DPH5: variants seen among roughly 807,000 people sequenced by gnomAD.
DPH5 encodes the protein diphthamide biosynthesis 5.
Under a neutral mutation model 31.6 loss-of-function variants are expected in DPH5, and 31 were observed. The ratio of observed to expected loss-of-function variants is 0.98; its 90% CI spans 0.74 to 1.32. The LOEUF (loss-of-function observed/expected upper bound fraction) is 1.32. Ranked by LOEUF, DPH5 falls within the 40% of genes most tolerant of loss-of-function variation. The probability of loss-of-function intolerance (pLI) is 0.00; values close to 1 mark genes in which losing one functional copy is unlikely to be tolerated. For synonymous variants in DPH5, 120 were observed against 115.0 expected, an observed-to-expected ratio of 1.04 and a Z score of -0.28; for missense variants, 309 against 335.7, an observed-to-expected ratio of 0.92 and a Z score of 0.62.
intron 3 of DPH5, among the ~76,000 whole-genome samples, chr1:101,020,583 A>G (rs1160652089): frequency 2.0e-5 from 3 of 151,598 alleles, no homozygotes; most frequent in Non-Finnish European, 4.4e-5. Context: ...CCATTTATCT[A>G]GGATGACCTC....
At chr1:100,994,850 C>T (rs552780797) in intron 6 of DPH5, among the ~76,000 whole-genome samples, 1 of 152,242 alleles carries the variant, frequency 6.6e-6, no homozygotes, top group South Asian at 2.1e-4. Flanking sequence ...TTCAGAATCC[C>T]AACGCATTAA....
chr1:100,996,769 T>A (rs928466330), intron 5 of DPH5, among the ~76,000 whole-genome samples: 2 of 152,246 alleles, frequency 1.3e-5, no homozygotes, highest in African/African-American at 4.8e-5. Flanking sequence ...TATCTTTTAT[T>A]AACCTCTAAT....
intron 4 of DPH5, among the ~76,000 whole-genome samples, chr1:101,009,400 C>T (rs530710425): frequency 2.6e-5 from 4 of 152,184 alleles, no homozygotes; most frequent in African/African-American, 4.8e-5. Context: ...ACCATAATAA[C>T]TGTGGTAGTG....
At chr1:101,020,239 C>T (rs1253247747) in intron 3 of DPH5, among the ~76,000 whole-genome samples, 1 of 152,164 alleles carries the variant, frequency 6.6e-6, no homozygotes, top group South Asian at 2.1e-4. Context: ...AGACCCAGCG[C>T]AAGTTCCAGC....
At position 100,990,323 on chromosome 1, in the gene DPH5, G is replaced by C. The variant is rs1391413580; in HGVS notation, c.*85C>G. The C allele has an allele frequency of 5.6e-6, 7 of 1,259,616 alleles. No homozygotes were observed. The highest frequency in any genetic ancestry group is 6.8e-6 in the Non-Finnish European group (6 of 879,684). 78.0% of individuals were successfully genotyped at this position (1,259,616 alleles called of 1,614,324 possible). The stretch of plus-strand genomic sequence containing the variant: ...GGGAATTATGAGGATTAAAATTCAA[G>C]ATGAGACTTGGGTGGGGATACATCC... On this transcript the variant is annotated 3_prime_UTR_variant, in exon 8 of 8. Transcript: ENST00000370109.
chr1:101,012,057 C>T (rs1045940484), intron 4 of DPH5, among the ~76,000 whole-genome samples: 7 of 151,952 alleles, frequency 4.6e-5, no homozygotes, highest in Non-Finnish European at 7.4e-5. Context: ...CCTGCCACCA[C>T]GCCCAGCTAA....
chr1:101,007,186 C>T (rs7542831), intron 4 of DPH5, among the ~76,000 whole-genome samples: 22,757 of 152,054 alleles, frequency 0.15, 2,088 homozygotes, highest in African/African-American at 0.26. Context: ...AATAAAAAGA[C>T]TGAAATGTGC....
At chr1:100,995,024 T>G (rs1658215534) in intron 6 of DPH5, 86 bp downstream of exon 6, 1 of 952,200 alleles carries the variant, frequency 1.1e-6, no homozygotes, top group Admixed American at 2.0e-5. Context: ...TTCAACCATC[T>G]TTAGAACTCA....
At chr1:100,997,120 G>C (rs952281165) in intron 5 of DPH5, among the ~76,000 whole-genome samples, 3 of 152,168 alleles carry the variant, frequency 2.0e-5, no homozygotes, top group Admixed American at 1.3e-4. Context: ...TTTCTAGTTT[G>C]TCCTTCCTGC....
intron 4 of DPH5, among the ~76,000 whole-genome samples, chr1:101,003,203 C>T (rs1466157953): frequency 6.6e-6 from 1 of 152,126 alleles, no homozygotes; most frequent in Non-Finnish European, 1.5e-5. Context: ...ACAGGTTTCC[C>T]TGTGACAATG....
rs1166652010 is a variant in DPH5 at position 101,025,393 on chromosome 1, G to A, written c.51C>T (p.Val17=). 6.2e-7 allele frequency: 1 copy of A among 1,614,210 alleles called. No homozygotes were observed. Among genetic ancestry groups the A allele is most frequent in the East Asian group, 2.2e-5 (1 of 44,888 alleles). The change falls in exon 2 of 8, where the codon GTC becomes GTT. Residue 17 remains valine, a synonymous_variant. Transcript: ENST00000370109. ...LGLGDAKDIT[V]KGLEVVRRCS... is the part of the protein sequence containing the mutation. ...AGCGTCTAACAACTTCCAGGCCCTT[G>A]ACTGTGATGTCCTTGGCATCTCCCA...
At chr1:101,024,254 C>CA (rs1488593297) in intron 2 of DPH5, among the ~76,000 whole-genome samples, 2 of 151,866 alleles carry the variant, frequency 1.3e-5, no homozygotes, top group Non-Finnish European at 2.9e-5. Context: ...ACAAAAAATA[C>CA]AAAAAATTAG....
chr1:101,005,860 A>T (rs958706624), intron 4 of DPH5, among the ~76,000 whole-genome samples: 2 of 150,556 alleles, frequency 1.3e-5, no homozygotes, highest in Non-Finnish European at 3.0e-5. Flanking sequence ...ACCAAATCTC[A>T]TCTTGAATTG....
At chr1:101,005,454 C>A (rs1659160579) in intron 4 of DPH5, among the ~76,000 whole-genome samples, 1 of 152,166 alleles carries the variant, frequency 6.6e-6, no homozygotes, top group Non-Finnish European at 1.5e-5. Flanking sequence ...TCCCCACATA[C>A]AATTTGCATG....
At chr1:101,017,158 G>A (rs1660139421) in intron 3 of DPH5, among the ~76,000 whole-genome samples, 3 of 152,090 alleles carry the variant, frequency 2.0e-5, no homozygotes, top group Admixed American at 2.0e-4. Context: ...GGCACCAATA[G>A]GATTGCTCAA....
intron 3 of DPH5, among the ~76,000 whole-genome samples, chr1:101,015,500 G>A (rs982303511): frequency 1.3e-5 from 2 of 152,128 alleles, no homozygotes; most frequent in South Asian, 2.1e-4. Context: ...CACTTACAGC[G>A]CACAGGGAGA....
At chr1:100,993,739 G>A (rs1458973077) in intron 6 of DPH5, among the ~76,000 whole-genome samples, 1 of 150,436 alleles carries the variant, frequency 6.6e-6, no homozygotes, top group African/African-American at 2.5e-5. Flanking sequence ...AAAAAAGTTT[G>A]TAAAAAGGCA....
chr1:101,020,486 G>C (rs991964126), intron 3 of DPH5, among the ~76,000 whole-genome samples: 1 of 151,586 alleles, frequency 6.6e-6, no homozygotes, highest in Middle Eastern at 3.4e-3. Flanking sequence ...GCCATCCTAG[G>C]TCCTCTTTTC....
At chr1:101,024,392 G>A (rs1660679876) in intron 2 of DPH5, among the ~76,000 whole-genome samples, 3 of 152,154 alleles carry the variant, frequency 2.0e-5, no homozygotes, top group South Asian at 4.1e-4. Context: ...CTGGGCAACA[G>A]AGCAAGACTT....
Sources: gnomAD v4.1 joint callset for allele counts (sites outside exome capture counted in the v4.1 genomes callset) on GRCh38, gnomAD v4.1.1 for gene constraint, MANE v1.5 for transcripts, NCBI Gene and HGNC (gene_info 2026-07-23, HGNC 2026-07-21) for gene names.